HCK: variants seen among roughly 807,000 people sequenced by gnomAD.
HCK encodes tyrosine-protein kinase HCK.
HCK carries 40 observed loss-of-function variants against 70.4 expected under a neutral mutation model. The observed-to-expected ratio is 0.57, with a 90% confidence interval of 0.44 to 0.74. The LOEUF (loss-of-function observed/expected upper bound fraction) is 0.74, where lower values mean the gene tolerates loss of function less well. Ranked by LOEUF, HCK falls within the 30% of genes least tolerant of loss-of-function variation. The pLI, the probability that HCK is intolerant of heterozygous loss-of-function variation, is 0.00. For missense variants in HCK, 568 were observed against 697.2 expected (o/e 0.81, Z 2.09); for synonymous variants, 245 against 263.2 (o/e 0.93, Z 0.67).
At chr20:32,076,571 G>A (rs242599) in intron 5 of HCK, among the ~76,000 whole-genome samples, 35,190 of 152,102 alleles carry the variant, frequency 0.23, 4,281 homozygotes, top group South Asian at 0.26. Context: ...GCAGGGTGTA[G>A]ACAACATGAA....
intron 5 of HCK, among the ~76,000 whole-genome samples, chr20:32,078,093 G>A (rs938808541): frequency 1.3e-5 from 2 of 151,538 alleles, no homozygotes; most frequent in Non-Finnish European, 2.9e-5. Flanking sequence ...GGAGTGCAGT[G>A]GCGTGATCTC....
intron 1 of HCK, among the ~76,000 whole-genome samples, chr20:32,057,636 G>A (rs747355853): frequency 7.2e-5 from 11 of 152,146 alleles, no homozygotes; most frequent in Non-Finnish European, 1.5e-4. Flanking sequence ...AGCCTAGAGA[G>A]GGTAATTGAC....
At chr20:32,052,879 C>T (rs893115274) in intron 1 of HCK, among the ~76,000 whole-genome samples, 2 of 150,714 alleles carry the variant, frequency 1.3e-5, no homozygotes, top group African/African-American at 4.9e-5. Context: ...CTTACGGTTC[C>T]CGGTGGGGGC....
chr20:32,098,864 G>C, intron 11 of HCK, 140 bp from the exon 12 acceptor site: 1 of 866,382 alleles, frequency 1.2e-6, no homozygotes, highest in East Asian at 2.5e-5. Context: ...GCTTCCACAG[G>C]GAGGCCACGT....
At position 32,101,483 on chromosome 20, in the gene HCK, C is replaced by T. The variant is rs2046034449; in HGVS notation, c.1545C>T (p.Tyr515=). 4 of 1,613,824 alleles carry T rather than the reference C, an allele frequency of 2.5e-6. No individual in the cohort carries two copies. The highest frequency in any genetic ancestry group is 3.4e-6 in the Non-Finnish European group (4 of 1,179,896). The change falls in exon 13 of 13, where the codon TAC becomes TAT. Residue 515 remains tyrosine, a synonymous_variant. Transcript: ENST00000375852. ...TCCAGAGTGTGCTGGATGACTTCTA[C>T]ACGGCCACAGAGAGCCAGTACCAAC...
At position 32,101,406 on chromosome 20, in the gene HCK, A is replaced by G. The variant is rs142491977; in HGVS notation, c.1468A>G (p.Met490Val). The change falls in exon 13 of 13, where the codon ATG becomes GTG. Residue 490 changes from methionine to valine, a missense_variant. By Grantham distance (21) the Met-to-Val change is conservative. This residue lies in a region of HCK where 77 missense variants were observed against 85.0 expected (regional missense o/e 0.91). Coordinates refer to ENST00000375852, the MANE Select transcript of HCK (RefSeq NM_002110.5). The stretch of plus-strand genomic sequence containing the variant: ...CTGCCCAGAGGAGCTCTACAACATC[A>G]TGATGCGCTGCTGGAAAAACCGTCC... The G allele has an allele frequency of 3.1e-6, 5 of 1,614,044 alleles. No individual in the cohort carries two copies. The African/African-American group carries it at 5.3e-5, about 17-fold the overall frequency.
intron 1 of HCK, among the ~76,000 whole-genome samples, chr20:32,067,357 ACACCCATTGAACAC>A (rs1360392058): frequency 6.6e-6 from 1 of 151,988 alleles, no homozygotes; most frequent in Non-Finnish European, 1.5e-5. Context: ...CTGAAACTCT[ACACCCATTGAACAC>A]CACTAACTCC....
chr20:32,072,759 T>C (rs952505885), intron 2 of HCK, among the ~76,000 whole-genome samples: 2 of 151,654 alleles, frequency 1.3e-5, no homozygotes, highest in African/African-American at 4.9e-5. Context: ...CCCTTCACTG[T>C]GTGTTGAGGG....
chr20:32,062,583 A>T (rs908850174), intron 1 of HCK, among the ~76,000 whole-genome samples: 10 of 152,196 alleles, frequency 6.6e-5, no homozygotes, highest in Admixed American at 5.2e-4. Flanking sequence ...CGTGTGAGCC[A>T]GGGCCCACGC....
At position 32,084,269 on chromosome 20, in the gene HCK, G is replaced by A. The variant is rs931574726; in HGVS notation, c.683-122G>A. ...ACTCTGCTTGCTTGGGAATGTCTCTGATGGTGGCAACCAGGTGGAACACTG... is the reference window on the plus strand; with the variant it reads ...ACTCTGCTTGCTTGGGAATGTCTCTAATGGTGGCAACCAGGTGGAACACTG... On this transcript the variant is annotated intron_variant, in intron 7 of 12. Transcript: ENST00000375852. 3.3e-6 allele frequency: 4 copies of A among 1,222,704 alleles called. No homozygotes were observed. The African/African-American group carries it at 4.6e-5, about 14-fold the overall frequency. The allele number at this position is 1,222,704 out of a possible 1,614,324, so 75.7% of individuals were successfully genotyped here.
At chr20:32,096,664 G>A (rs566941460) in intron 11 of HCK, among the ~76,000 whole-genome samples, 22 of 152,134 alleles carry the variant, frequency 1.4e-4, no homozygotes, top group African/African-American at 5.1e-4. Flanking sequence ...ACCATGCCCA[G>A]CTAATTTTTT....
chr20:32,094,090 G>A, intron 11 of HCK, 74 bp downstream of exon 11: 2 of 1,430,508 alleles, frequency 1.4e-6, no homozygotes, highest in East Asian at 2.3e-5. Flanking sequence ...ATACTTGTGA[G>A]AGCGATTGGT....
At chr20:32,098,140 T>A (rs1361385933) in intron 11 of HCK, among the ~76,000 whole-genome samples, 2 of 150,958 alleles carry the variant, frequency 1.3e-5, no homozygotes, top group South Asian at 2.1e-4. Flanking sequence ...CTCCATCCCC[T>A]GGGTTCAAGT....
At chr20:32,082,599 G>A (rs559006089) in intron 6 of HCK, among the ~76,000 whole-genome samples, 1 of 152,108 alleles carries the variant, frequency 6.6e-6, no homozygotes, top group South Asian at 2.1e-4. Context: ...CCAAGATTGC[G>A]CCACTGCACT....
chr20:32,053,470 T>A (rs924585701), intron 1 of HCK, among the ~76,000 whole-genome samples: 1 of 151,756 alleles, frequency 6.6e-6, no homozygotes, highest in South Asian at 2.1e-4. Flanking sequence ...AAACCCCGTC[T>A]CTACTAAAAG....
chr20:32,098,668 C>T (rs1205872531), intron 11 of HCK, among the ~76,000 whole-genome samples: 2 of 152,120 alleles, frequency 1.3e-5, no homozygotes, highest in African/African-American at 2.4e-5. Flanking sequence ...GGACTCAAGG[C>T]CCCCTGAAGT....
chr20:32,086,176 C>T lies in HCK; in HGVS notation c.836-452C>T, dbSNP rs973022207. 2.6e-5 allele frequency among the ~76,000 whole-genome samples: 4 copies of T among 152,134 alleles called. No individual in the cohort carries two copies. In the East Asian group the frequency reaches 5.8e-4, roughly 22 times the overall value. On this transcript the variant is annotated intron_variant, in intron 8 of 12. Coordinates refer to ENST00000375852, the MANE Select transcript of HCK (RefSeq NM_002110.5). ...CTGGGACTACAGGCGCCCACAACTG[C>T]GCCTGGCTAATTTTTTGTATTTTTA...
At chr20:32,083,806 C>T (rs1388582112) in intron 6 of HCK, 88 bp from the exon 7 acceptor site, 54 of 1,491,782 alleles carry the variant, frequency 3.6e-5, no homozygotes, top group African/African-American at 1.7e-4. Flanking sequence ...ACGGTGCCAG[C>T]GGTAGCCTTA....
At position 32,083,769 on chromosome 20, in the gene HCK, CT is replaced by C. The variant is rs1377278596; in HGVS notation, c.533-124del. ...CTGGCTCCCACAGCCCACTCAGACCCTCGGGCACTTCTGCCCAGGTGTCAGG... is the reference window on the plus strand; with the variant it reads ...CTGGCTCCCACAGCCCACTCAGACCCCGGGCACTTCTGCCCAGGTGTCAGG... On this transcript the variant is annotated intron_variant, in intron 6 of 12. Coordinates refer to ENST00000375852, the MANE Select transcript of HCK (RefSeq NM_002110.5). The C allele has an allele frequency of 1.7e-5, 19 of 1,137,104 alleles. No individual in the cohort carries two copies. In the African/African-American group the frequency reaches 2.5e-4, roughly 15 times the overall value. 70.4% of individuals were successfully genotyped at this position (1,137,104 alleles called of 1,614,324 possible). A position where few individuals can be genotyped will look rare whatever the true frequency, so the allele number is the denominator to read the frequency against.
Sources: gnomAD v4.1 joint callset for allele counts (sites outside exome capture counted in the v4.1 genomes callset) on GRCh38, gnomAD v4.1.1 for gene constraint, gnomAD v4.1.1 regional missense constraint, MANE v1.5 for transcripts, NCBI Gene and HGNC (gene_info 2026-07-23, HGNC 2026-07-21) for gene names.